The following GALNTL6 variants were observed in gnomAD, a reference collection of about 807,000 sequenced individuals.
GALNTL6 encodes the protein polypeptide N-acetylgalactosaminyltransferase like 6, also known as polypeptide N-acetylgalactosaminyltransferase-like 6.
GALNTL6 carries 46 observed loss-of-function variants against 73.7 expected under a neutral mutation model. The observed-to-expected ratio is 0.62, with a 90% confidence interval of 0.49 to 0.80. GALNTL6 has a LOEUF of 0.80. Among genes scored for constraint, GALNTL6 ranks in the 30% least tolerant of loss-of-function variants. The pLI, the probability that GALNTL6 is intolerant of heterozygous loss-of-function variation, is 0.00. For synonymous variants in GALNTL6, 259 were observed against 263.7 expected (o/e 0.98, Z 0.17); for missense variants, 604 against 755.0 (o/e 0.80, Z 2.34).
At chr4:172,127,702 A>G (rs72700934) in intron 2 of GALNTL6, among the ~76,000 whole-genome samples, 3,185 of 152,340 alleles carry the variant, frequency 0.021, 34 homozygotes, top group Non-Finnish European at 0.031. Context: ...AACCAATACT[A>G]TGAAATTGGT....
At chr4:172,564,833 C>T (rs887537737) in intron 5 of GALNTL6, among the ~76,000 whole-genome samples, 7 of 152,312 alleles carry the variant, frequency 4.6e-5, no homozygotes, top group South Asian at 4.1e-4. Context: ...GATGAAACAA[C>T]GAGTTTCAAG....
intron 8 of GALNTL6, among the ~76,000 whole-genome samples, chr4:172,902,410 T>C (rs1191612922): frequency 6.6e-6 from 1 of 152,204 alleles, no homozygotes. Flanking sequence ...GACTCTGCTC[T>C]GCAGAATCTT....
At chr4:171,829,151 T>G (rs998985604) in intron 2 of GALNTL6, among the ~76,000 whole-genome samples, 4 of 152,138 alleles carry the variant, frequency 2.6e-5, no homozygotes, top group African/African-American at 9.7e-5. Context: ...CACTTTTCAA[T>G]GGTAAACTGT....
intron 2 of GALNTL6, among the ~76,000 whole-genome samples, chr4:172,133,333 A>G (rs1733551546): frequency 6.6e-6 from 1 of 152,240 alleles, no homozygotes; most frequent in Non-Finnish European, 1.5e-5. Flanking sequence ...ACCAATCTAC[A>G]TAGTTGCACA....
At chr4:172,155,262 T>C (rs779621828) in intron 2 of GALNTL6, among the ~76,000 whole-genome samples, 10 of 152,210 alleles carry the variant, frequency 6.6e-5, no homozygotes, top group Non-Finnish European at 1.3e-4. Flanking sequence ...GCTTCCAAAG[T>C]GCTGGCATTA....
intron 5 of GALNTL6, among the ~76,000 whole-genome samples, chr4:172,438,136 T>C (rs336004): frequency 1 from 152,140 of 152,194 alleles, 76,043 homozygotes; most frequent in Non-Finnish European, 1. Context: ...TTGACAGTGC[T>C]TTTGAGAATG....
chr4:171,906,158 G>A lies in GALNTL6; in HGVS notation c.138+91440G>A, dbSNP rs1211925580. Among the ~76,000 whole-genome samples the A allele has an allele frequency of 2.7e-5, 4 of 150,494 alleles. No homozygotes were observed. The East Asian group carries it at 5.9e-4, about 22-fold the overall frequency. On this transcript the variant is annotated intron_variant, in intron 2 of 12. Coordinates refer to ENST00000506823, the MANE Select transcript of GALNTL6 (RefSeq NM_001034845.3). ...TAACTAAAATCAGAGCAGAACTGAA[G>A]GAAATAGAGACACAAAAAACCCTTC...
chr4:172,424,504 A>G (rs532553726), intron 5 of GALNTL6, among the ~76,000 whole-genome samples: 4 of 152,176 alleles, frequency 2.6e-5, no homozygotes, highest in African/African-American at 9.6e-5. Flanking sequence ...ATTATAAAAA[A>G]TAAATTAAAA....
rs964421765 is a variant in GALNTL6 at position 172,181,720 on chromosome 4, T to C, written c.139-47936T>C. On this transcript the variant is annotated intron_variant, in intron 2 of 12. Transcript: ENST00000506823. Reference sequence around the variant, plus strand: ...CATCATCTCAGCCCCAAATCTTCTTTTTTTTTTTTTTTTTGAGTTGGAGTC... The same window carrying C: ...CATCATCTCAGCCCCAAATCTTCTTCTTTTTTTTTTTTTTGAGTTGGAGTC... 1.1e-3 allele frequency among the ~76,000 whole-genome samples: 169 copies of C among 149,154 alleles called. 1 individual carries two copies. The Middle Eastern group carries it at 0.014, about 12-fold the overall frequency.
intron 8 of GALNTL6, among the ~76,000 whole-genome samples, chr4:172,893,586 C>T (rs1746165167): frequency 6.6e-6 from 1 of 152,188 alleles, no homozygotes. Flanking sequence ...ACCAGGCAGG[C>T]AGTCTTGGGA....
At chr4:172,732,528 C>T (rs753667087) in intron 5 of GALNTL6, among the ~76,000 whole-genome samples, 6 of 152,112 alleles carry the variant, frequency 3.9e-5, no homozygotes, top group African/African-American at 9.7e-5. Flanking sequence ...TCACATTTAG[C>T]GTTATTATTG....
chr4:172,066,048 C>T (rs932893976), intron 2 of GALNTL6, among the ~76,000 whole-genome samples: 1 of 152,172 alleles, frequency 6.6e-6, no homozygotes, highest in African/African-American at 2.4e-5. Flanking sequence ...TACCAACATC[C>T]CCCACAAGAT....
rs950273712 is a variant in GALNTL6 at position 172,246,612 on chromosome 4, A to G, written c.247+16848A>G. ...TCAATGCATTATCCAAACTTGGGATATCAGCGTCACACTTACAACAAAAAT... is the reference window on the plus strand; with the variant it reads ...TCAATGCATTATCCAAACTTGGGATGTCAGCGTCACACTTACAACAAAAAT... On this transcript the variant is annotated intron_variant, in intron 3 of 12. Transcript: ENST00000506823. 7.9e-5 allele frequency among the ~76,000 whole-genome samples: 12 copies of G among 152,070 alleles called. No individual in the cohort carries two copies. The South Asian group carries it at 2.5e-3, about 32-fold the overall frequency.
intron 5 of GALNTL6, among the ~76,000 whole-genome samples, chr4:172,376,828 G>A (rs750686570): frequency 3.9e-5 from 6 of 152,098 alleles, no homozygotes; most frequent in Non-Finnish European, 7.4e-5. Flanking sequence ...GCAGACCCTC[G>A]TGATAAGTAT....
intron 5 of GALNTL6, among the ~76,000 whole-genome samples, chr4:172,709,689 G>T (rs939566363): frequency 2.0e-5 from 3 of 152,150 alleles, no homozygotes; most frequent in Admixed American, 1.3e-4. Flanking sequence ...GGCCCTAAAT[G>T]ATCTTTAAGA....
intron 7 of GALNTL6, among the ~76,000 whole-genome samples, chr4:172,854,393 A>T (rs941062752): frequency 2.6e-5 from 4 of 152,244 alleles, no homozygotes; most frequent in African/African-American, 7.2e-5. Flanking sequence ...ATTCAAAAAA[A>T]TCTTTATTAA....
chr4:172,143,403 G>C (rs1454942596), intron 2 of GALNTL6, among the ~76,000 whole-genome samples: 1 of 151,392 alleles, frequency 6.6e-6, no homozygotes, highest in Non-Finnish European at 1.5e-5. Context: ...TGATTTCTTT[G>C]TCTTTGATTC....
At chr4:172,225,595 A>T (rs1198128810) in intron 2 of GALNTL6, among the ~76,000 whole-genome samples, 1 of 152,008 alleles carries the variant, frequency 6.6e-6, no homozygotes, top group South Asian at 2.1e-4. Flanking sequence ...TATTTCTAAC[A>T]AGTTCCCATG....
chr4:172,781,820 C>T (rs1340177427), intron 5 of GALNTL6, among the ~76,000 whole-genome samples: 1 of 151,664 alleles, frequency 6.6e-6, no homozygotes, highest in African/African-American at 2.4e-5. Flanking sequence ...ACCCTATATA[C>T]TTTGGTATCT....
Sources: gnomAD v4.1 joint callset for allele counts (sites outside exome capture counted in the v4.1 genomes callset) on GRCh38, gnomAD v4.1.1 for gene constraint, MANE v1.5 for transcripts, NCBI Gene and HGNC (gene_info 2026-07-23, HGNC 2026-07-21) for gene names.